The following CD2AP variants were observed in gnomAD, a reference collection of about 807,000 sequenced individuals.
CD2AP encodes CD2-associated protein.
In CD2AP, 46 loss-of-function variants were observed where a neutral mutation model predicts 85.1. The observed-to-expected ratio is 0.54, with a 90% CI of 0.43 to 0.69. The LOEUF (loss-of-function observed/expected upper bound fraction) is 0.69, where lower values mean the gene tolerates loss of function less well. Among genes scored for constraint, CD2AP ranks in the 30% least tolerant of loss-of-function variants. CD2AP has a pLI of 0.00. For missense variants in CD2AP, 769 were observed against 729.5 expected (o/e 1.05, Z -0.62); for synonymous variants, 255 against 252.9 (o/e 1.01, Z -0.08).
intron 6 of CD2AP, among the ~76,000 whole-genome samples, chr6:47,574,831 C>T (rs1768260938): frequency 6.6e-6 from 1 of 151,970 alleles, no homozygotes; most frequent in Admixed American, 6.6e-5. Flanking sequence ...TAAAAAGAGG[C>T]TTTAAAATAA....
chr6:47,496,040 G>C (rs2113972607), intron 1 of CD2AP, among the ~76,000 whole-genome samples: 1 of 152,174 alleles, frequency 6.6e-6, no homozygotes, highest in East Asian at 1.9e-4. Context: ...TTTTATACCT[G>C]TATACTTACC....
chr6:47,577,443 CCTGT>C (rs1193022435), intron 8 of CD2AP, among the ~76,000 whole-genome samples: 1 of 151,810 alleles, frequency 6.6e-6, no homozygotes, highest in East Asian at 1.9e-4. Context: ...TATTTTTTCT[CCTGT>C]CTGTCGTTTG....
chr6:47,614,291 A>T (rs917831708), intron 17 of CD2AP, among the ~76,000 whole-genome samples: 1 of 152,196 alleles, frequency 6.6e-6, no homozygotes, highest in African/African-American at 2.4e-5. Flanking sequence ...CTCTGAGCTT[A>T]GTCATTTGTA....
chr6:47,514,576 G>C (rs1766403938), intron 2 of CD2AP, among the ~76,000 whole-genome samples: 1 of 152,164 alleles, frequency 6.6e-6, no homozygotes, highest in Non-Finnish European at 1.5e-5. Context: ...CAAATGCTTA[G>C]TTGACTGTGA....
Position 47,577,096 on chromosome 6 carries a change from T to TA in CD2AP, c.898dup (p.Ser300LysfsTer2). 2 of 1,477,286 alleles carry TA rather than the reference T, an allele frequency of 1.4e-6. No homozygotes were observed. The highest frequency in any genetic ancestry group is 1.9e-6 in the Non-Finnish European group (2 of 1,055,804). The allele number at this position is 1,477,286 out of a possible 1,614,324, so 91.5% of individuals were successfully genotyped here. A position where few individuals can be genotyped will look rare whatever the true frequency, so the allele number is the denominator to read the frequency against. On this transcript the variant is annotated frameshift_variant, in exon 8 of 18. Coordinates refer to ENST00000359314, the MANE Select transcript of CD2AP (RefSeq NM_012120.3). LOFTEE classifies it high-confidence loss of function. ...AAAGAGGGGGAGATAATCCATTTGA[T>TA]AAGTAAGGTAAGGTGTTTCTGTTTT...
chr6:47,618,545 G>A (rs1769660283), intron 17 of CD2AP, among the ~76,000 whole-genome samples: 1 of 152,068 alleles, frequency 6.6e-6, no homozygotes, highest in African/African-American at 2.4e-5. Flanking sequence ...ACAAATTAAT[G>A]AAAGTGTACA....
intron 2 of CD2AP, among the ~76,000 whole-genome samples, chr6:47,504,259 C>G (rs1170878446): frequency 5.3e-5 from 8 of 152,226 alleles, no homozygotes; most frequent in African/African-American, 1.7e-4. Context: ...ATTATGAGCT[C>G]TTCTAGGAAG....
intron 11 of CD2AP, among the ~76,000 whole-genome samples, chr6:47,584,895 A>G (rs1768579525): frequency 6.6e-6 from 1 of 151,874 alleles, no homozygotes; most frequent in African/African-American, 2.4e-5. Context: ...TTTATTATCT[A>G]TTTTTTTACT....
At chr6:47,489,450 A>G (rs1033976550) in intron 1 of CD2AP, among the ~76,000 whole-genome samples, 2 of 152,148 alleles carry the variant, frequency 1.3e-5, no homozygotes, top group Non-Finnish European at 2.9e-5. Context: ...TGCTGGGATT[A>G]CAGGCATGAG....
In CD2AP at chr6:47,626,209, A is replaced by AT. The variant is rs1378946208; in HGVS notation, c.*1985dup. ...AAGATGCTTATGAGCATGGAAATGT[A>AT]TTTAAAGTTTTTGCTTGTGTCCTCC... is the stretch of plus-strand genomic sequence containing the variant. On this transcript the variant is annotated 3_prime_UTR_variant, in exon 18 of 18. Transcript: ENST00000359314. 1 of 151,956 alleles carries AT rather than the reference A, an allele frequency of 6.6e-6. No homozygotes were observed. Among genetic ancestry groups the AT allele is most frequent in the Non-Finnish European group, 1.5e-5 (1 of 67,842 alleles). 9.4% of individuals were successfully genotyped at this position (151,956 alleles called of 1,614,324 possible).
At chr6:47,569,436 C>T (rs1008731429) in intron 5 of CD2AP, among the ~76,000 whole-genome samples, 1 of 151,742 alleles carries the variant, frequency 6.6e-6, no homozygotes. Context: ...AGTAATGTTA[C>T]GAATAAGTTG....
intron 1 of CD2AP, among the ~76,000 whole-genome samples, chr6:47,488,353 A>G (rs888457505): frequency 7.9e-5 from 12 of 152,184 alleles, no homozygotes; most frequent in Admixed American, 2.0e-4. Context: ...GCAAGTATAC[A>G]TATACTTTGA....
intron 3 of CD2AP, among the ~76,000 whole-genome samples, chr6:47,541,132 T>C (rs1480896855): frequency 6.6e-6 from 1 of 152,240 alleles, no homozygotes; most frequent in African/African-American, 2.4e-5. Context: ...TTTCCTTTTT[T>C]TTATTTTTTG....
intron 17 of CD2AP, among the ~76,000 whole-genome samples, chr6:47,613,148 A>G (rs563232922): frequency 1.1e-4 from 17 of 152,270 alleles, no homozygotes; most frequent in East Asian, 1.9e-4. Flanking sequence ...GAAGTCTTCA[A>G]TCCTCAAAGT....
At chr6:47,609,581 C>T in intron 16 of CD2AP, 1 of 317,050 alleles carries the variant, frequency 3.2e-6, no homozygotes, top group South Asian at 3.7e-5. Context: ...TCCCTGTGGT[C>T]CCAGCTACTC....
chr6:47,608,122 A>AT (rs1009388175), intron 15 of CD2AP, 94 bp downstream of exon 15: 5 of 871,618 alleles, frequency 5.7e-6, no homozygotes, highest in Non-Finnish European at 9.4e-6. Context: ...AGGACGAATT[A>AT]TTTTTTCTGC....
chr6:47,610,971 A>ATATATATATATTTTTTTTT, intron 16 of CD2AP, among the ~76,000 whole-genome samples: 13 of 112,908 alleles, frequency 1.2e-4, no homozygotes, highest in African/African-American at 4.7e-4. Flanking sequence ...ATATATATGT[A>ATATATATATATTTTTTTTT]TTTTTTTTTT....
At chr6:47,500,263 A>G (rs1376913300) in intron 1 of CD2AP, among the ~76,000 whole-genome samples, 1 of 152,188 alleles carries the variant, frequency 6.6e-6, no homozygotes, top group Non-Finnish European at 1.5e-5. Context: ...TGGTTGATAT[A>G]GAGATTGAGT....
chr6:47,595,755 C>A, intron 11 of CD2AP, 106 bp from the exon 12 acceptor site: 1 of 826,994 alleles, frequency 1.2e-6, no homozygotes, highest in Non-Finnish European at 2.0e-6. Context: ...AATGAAAGTT[C>A]ATGTCTGCCT....
Sources: allele counts gnomAD v4.1 joint callset (sites outside exome capture counted in the v4.1 genomes callset), GRCh38; gene constraint gnomAD v4.1.1; transcripts MANE v1.5; gene names NCBI Gene and HGNC (gene_info 2026-07-23, HGNC 2026-07-21).